The following CNKSR2 variants were observed in gnomAD, a reference collection of about 807,000 sequenced individuals.
The protein encoded by CNKSR2 is connector enhancer of kinase suppressor of Ras 2.
A neutral mutation model predicts 84.4 loss-of-function variants in CNKSR2; 14 were observed. The ratio of observed to expected loss-of-function variants is 0.17; its 90% CI spans 0.11 to 0.26. The LOEUF (loss-of-function observed/expected upper bound fraction) is 0.26. CNKSR2 is among the 10% of genes least tolerant of loss of function. The pLI is 1.00. For synonymous variants in CNKSR2, 275 were observed against 277.9 expected, an observed-to-expected ratio of 0.99 and a Z score of 0.10; for missense variants, 485 against 771.2, an observed-to-expected ratio of 0.63 and a Z score of 4.40.
At chrX:21,401,329 A>G (rs905904956) in intron 1 of CNKSR2, among the ~76,000 whole-genome samples, 1 of 111,885 alleles carries the variant, frequency 8.9e-6, no homozygotes, top group African/African-American at 3.2e-5. Context: ...GTATTTTAAA[A>G]TTGGAAATAA....
At chrX:21,536,292 T>A (rs768767167) in intron 11 of CNKSR2, among the ~76,000 whole-genome samples, 1 of 111,548 alleles carries the variant, frequency 9.0e-6, no homozygotes, top group Non-Finnish European at 1.9e-5. Flanking sequence ...TGCATCCATA[T>A]TCATGAGGGA....
chrX:21,392,425 C>T (rs180794520), intron 1 of CNKSR2, among the ~76,000 whole-genome samples: 323 of 111,833 alleles, frequency 2.9e-3, no homozygotes, highest in African/African-American at 0.01. Flanking sequence ...GGGGAGGCCT[C>T]GCGAAACTTT....
chrX:21,454,211 AGGT>A (rs1220194855), intron 4 of CNKSR2, among the ~76,000 whole-genome samples: 1 of 111,979 alleles, frequency 8.9e-6, no homozygotes, highest in Non-Finnish European at 1.9e-5. Flanking sequence ...AAAGTCATAT[AGGT>A]TATATGACTG....
chrX:21,417,056 A>G (rs765662301), intron 1 of CNKSR2, among the ~76,000 whole-genome samples: 48 of 111,662 alleles, frequency 4.3e-4, no homozygotes, highest in African/African-American at 1.6e-3. Context: ...ACATATAACT[A>G]TAAATTTCCC....
At chrX:21,647,830 T>G (rs767524103) in intron 20 of CNKSR2, among the ~76,000 whole-genome samples, 31 of 111,587 alleles carry the variant, frequency 2.8e-4, no homozygotes, top group Non-Finnish European at 5.3e-4. Flanking sequence ...TATTTACTCT[T>G]TGGGCCAATA....
Position 21,420,717 on chromosome X carries a change from C to T in CNKSR2, c.65-5780C>T, listed in dbSNP as rs560089261. Among the ~76,000 whole-genome samples the T allele has an allele frequency of 1.1e-4, 12 of 110,882 alleles. No individual in the cohort carries two copies. In the Middle Eastern group the frequency reaches 0.014, roughly 131 times the overall value. ...GGCCTGGAAAGGGGCCCTCATGACT[C>T]TGACCAGTGCCCTATCCTGCCATGG... On this transcript the variant is annotated intron_variant, in intron 1 of 21. Coordinates refer to ENST00000379510, the MANE Select transcript of CNKSR2 (RefSeq NM_014927.5).
chrX:21,431,539 C>G (rs1391985035), intron 2 of CNKSR2, among the ~76,000 whole-genome samples: 1 of 111,709 alleles, frequency 9.0e-6, no homozygotes, highest in Non-Finnish European at 1.9e-5. Context: ...TTCTTACATT[C>G]TTTGGGTTTT....
intron 11 of CNKSR2, among the ~76,000 whole-genome samples, chrX:21,535,209 A>G (rs2091917205): frequency 9.0e-6 from 1 of 110,988 alleles, no homozygotes; most frequent in East Asian, 2.8e-4. Context: ...TTATTTCTGA[A>G]TACTCCATTC....
At chrX:21,554,273 T>A (rs900530377) in intron 11 of CNKSR2, among the ~76,000 whole-genome samples, 1 of 112,150 alleles carries the variant, frequency 8.9e-6, no homozygotes, top group African/African-American at 3.2e-5. Flanking sequence ...ATTTAAAGTA[T>A]ATATCACTTT....
At chrX:21,430,059 G>T (rs760747644) in intron 2 of CNKSR2, among the ~76,000 whole-genome samples, 1 of 111,344 alleles carries the variant, frequency 9.0e-6, no homozygotes, top group Admixed American at 9.5e-5. Context: ...TAGATTATCA[G>T]TGTAGTTATG....
rs765138889 is a variant in CNKSR2, at chrX:21,631,682, T to C, written c.2693-17149T>C. Among the ~76,000 whole-genome samples, 23 of 112,280 alleles carry C rather than the reference T, an allele frequency of 2.0e-4. 1 individual carries two copies. In the South Asian group the frequency reaches 7.8e-3, roughly 38 times the overall value. ...AATGCATGTAACCTGAAAAGAACTA[T>C]TAAAGAATGCAACATTAATGCTTTA... On this transcript the variant is annotated intron_variant, in intron 20 of 21. Coordinates refer to ENST00000379510, the MANE Select transcript of CNKSR2 (RefSeq NM_014927.5).
At chrX:21,514,389 C>G (rs2091705771) in intron 8 of CNKSR2, among the ~76,000 whole-genome samples, 1 of 111,246 alleles carries the variant, frequency 9.0e-6, no homozygotes, top group Admixed American at 9.6e-5. Context: ...AATTAGATAC[C>G]CAAATTTTCT....
intron 11 of CNKSR2, among the ~76,000 whole-genome samples, chrX:21,534,411 C>G (rs973407767): frequency 1.5e-4 from 17 of 110,189 alleles, no homozygotes; most frequent in African/African-American, 5.6e-4. Flanking sequence ...GTACAGATAT[C>G]TCTTTGACAT....
At chrX:21,408,328 GA>G (rs1911835231) in intron 1 of CNKSR2, among the ~76,000 whole-genome samples, 1 of 111,676 alleles carries the variant, frequency 9.0e-6, no homozygotes, top group Admixed American at 9.6e-5. Context: ...CAGCTGTCTT[GA>G]GTATAATTCT....
chrX:21,578,567 A>G (rs1266408214), intron 13 of CNKSR2, among the ~76,000 whole-genome samples: 1 of 97,344 alleles, frequency 1.0e-5, no homozygotes, highest in African/African-American at 3.9e-5. Context: ...TTTTTTTTTC[A>G]GAATTAAATC....
rs1244794285 is a variant in CNKSR2 at position 21,389,152 on chromosome X, C to CA, written c.64+14193dup. Among the ~76,000 whole-genome samples, 10 of 105,833 alleles carry CA rather than the reference C, an allele frequency of 9.4e-5. No homozygotes were observed. In the South Asian group the frequency reaches 4.0e-3, roughly 42 times the overall value. The allele number at this position is 105,833 out of a possible 115,157, so 91.9% of individuals were successfully genotyped here. A position where few individuals can be genotyped will look rare whatever the true frequency, so the allele number is the denominator to read the frequency against. The stretch of plus-strand genomic sequence containing the variant: ...TACTCCACAAAACTGTCAAGGTCAC[C>CA]AATAACAAGGAAAATGTGAGAAACT... On this transcript the variant is annotated intron_variant, in intron 1 of 21. Coordinates refer to ENST00000379510, the MANE Select transcript of CNKSR2 (RefSeq NM_014927.5).
chrX:21,557,475 C>T (rs1156344628), intron 11 of CNKSR2, among the ~76,000 whole-genome samples: 5 of 110,558 alleles, frequency 4.5e-5, no homozygotes, highest in Non-Finnish European at 9.5e-5. Flanking sequence ...TATTAGAATA[C>T]AGGAATAAAT....
chrX:21,643,303 GGTT>G (rs1323120478), intron 20 of CNKSR2: 1 of 111,296 alleles, frequency 9.0e-6, no homozygotes, highest in African/African-American at 3.3e-5. Context: ...AGGACACCAA[GGTT>G]TTGCCATCTG....
intron 1 of CNKSR2, among the ~76,000 whole-genome samples, chrX:21,399,414 G>A (rs1306637219): frequency 9.0e-6 from 1 of 111,505 alleles, no homozygotes; most frequent in African/African-American, 3.3e-5. Flanking sequence ...TTTACAGTCA[G>A]TAGTCCCTCT....
Sources: allele counts gnomAD v4.1 joint callset (sites outside exome capture counted in the v4.1 genomes callset), GRCh38; gene constraint gnomAD v4.1.1; transcripts MANE v1.5; gene names NCBI Gene and HGNC (gene_info 2026-07-23, HGNC 2026-07-21).